The following ITGA9 variants were observed in gnomAD, a reference collection of about 807,000 sequenced individuals.
The protein encoded by ITGA9 is integrin subunit alpha 9, also known as integrin alpha-9.
In ITGA9, 56 loss-of-function variants were observed where a neutral mutation model predicts 127.8. The observed-to-expected ratio is 0.44, with a 90% CI of 0.35 to 0.55. ITGA9 has a LOEUF of 0.55. ITGA9 is among the 20% of genes least tolerant of loss of function. The probability of loss-of-function intolerance (pLI) is 0.00; values close to 1 mark genes in which losing one functional copy is unlikely to be tolerated. For synonymous variants in ITGA9, 508 were observed against 514.5 expected, an observed-to-expected ratio of 0.99 and a Z score of 0.17; for missense variants, 1,196 against 1,347.1, an observed-to-expected ratio of 0.89 and a Z score of 1.76.
At chr3:37,743,830 A>C in intron 21 of ITGA9, 96 bp from the exon 22 acceptor site, 1 of 882,036 alleles carries the variant, frequency 1.1e-6, no homozygotes. Flanking sequence ...AAGACACTGG[A>C]TTAAATTGAG....
intron 18 of ITGA9, among the ~76,000 whole-genome samples, chr3:37,724,058 A>G (rs773453512): frequency 7.2e-5 from 11 of 152,188 alleles, no homozygotes; most frequent in Non-Finnish European, 1.5e-4. Flanking sequence ...GATCTGCTGT[A>G]TCATTCAGAA....
intron 17 of ITGA9, among the ~76,000 whole-genome samples, chr3:37,667,396 A>G (rs564957294): frequency 3.9e-5 from 6 of 152,304 alleles, no homozygotes; most frequent in East Asian, 3.9e-4. Context: ...AAACCTATGA[A>G]CCATGTATAG....
Position 37,512,013 on chromosome 3 carries a change from CTTTTCTTTTCTTTTCTTT to C in ITGA9, c.898-1749_898-1732del, listed in dbSNP as rs1175530939. ...CTTTTCTTTTCTTTTCTTTTCTTTT[CTTTTCTTTTCTTTTCTTT>C]CTTTCTTTCTTTCTTTCTTTCTTTC... On this transcript the variant is annotated intron_variant, in intron 8 of 27. Coordinates refer to ENST00000264741, the MANE Select transcript of ITGA9 (RefSeq NM_002207.3). Among the ~76,000 whole-genome samples the C allele has an allele frequency of 5.9e-3, 211 of 35,506 alleles. 19 individuals carry two copies. The highest frequency in any genetic ancestry group is 0.023 in the Middle Eastern group (2 of 88). The allele number at this position is 35,506 out of a possible 152,430, so 23.3% of individuals were successfully genotyped here.
At chr3:37,524,306 T>C (rs1049095012) in intron 12 of ITGA9, among the ~76,000 whole-genome samples, 15 of 152,322 alleles carry the variant, frequency 9.8e-5, no homozygotes, top group African/African-American at 3.6e-4. Context: ...AAATCCAGAA[T>C]GGTCATGGAA....
rs188232474 is a variant in ITGA9 at position 37,613,962 on chromosome 3, A to G, written c.1690-15225A>G. Among the ~76,000 whole-genome samples the G allele has an allele frequency of 5.6e-4, 85 of 152,268 alleles. 1 individual carries two copies. The highest frequency in any genetic ancestry group is 3.4e-3 in the Middle Eastern group (1 of 294). ...TTCTTTTGCTGTGCAGAAGCTCTTT[A>G]GTTCAATTAGATCCCATTTGTCAAT... On this transcript the variant is annotated intron_variant, in intron 15 of 27. Coordinates refer to ENST00000264741, the MANE Select transcript of ITGA9 (RefSeq NM_002207.3).
At position 37,788,764 on chromosome 3, in the gene ITGA9, G is replaced by A. The variant is rs374798677; in HGVS notation, c.2889+3686G>A. On this transcript the variant is annotated intron_variant, in intron 26 of 27. Transcript: ENST00000264741. Reference sequence around the variant, plus strand: ...TCTCTTTCAACTAGCATTAACATCCGAAACTGTATATCATCACCACATTTC... The same window carrying A: ...TCTCTTTCAACTAGCATTAACATCCAAAACTGTATATCATCACCACATTTC... Among the ~76,000 whole-genome samples, 21 of 152,024 alleles carry A rather than the reference G, an allele frequency of 1.4e-4. No individual in the cohort carries two copies. The South Asian group carries it at 2.3e-3, about 17-fold the overall frequency.
At chr3:37,662,886 C>T (rs1291283922) in intron 17 of ITGA9, among the ~76,000 whole-genome samples, 1 of 152,176 alleles carries the variant, frequency 6.6e-6, no homozygotes, top group Admixed American at 6.5e-5. Flanking sequence ...GACTGAGGAG[C>T]CTTTGTCTTA....
At chr3:37,509,146 A>G (rs935321975) in intron 8 of ITGA9, among the ~76,000 whole-genome samples, 2 of 152,170 alleles carry the variant, frequency 1.3e-5, no homozygotes, top group Non-Finnish European at 2.9e-5. Flanking sequence ...AGAACCTTGA[A>G]GCAGAAATAG....
At chr3:37,667,688 CA>C (rs1700599030) in intron 17 of ITGA9, among the ~76,000 whole-genome samples, 1 of 152,230 alleles carries the variant, frequency 6.6e-6, no homozygotes, top group Admixed American at 6.5e-5. Flanking sequence ...GCCCAGCACA[CA>C]AGTTCTTCCA....
At chr3:37,548,491 T>C (rs1201228312) in intron 15 of ITGA9, among the ~76,000 whole-genome samples, 2 of 152,234 alleles carry the variant, frequency 1.3e-5, no homozygotes, top group East Asian at 3.8e-4. Context: ...AAAAAAAGTT[T>C]CGTGGAGATT....
intron 15 of ITGA9, among the ~76,000 whole-genome samples, chr3:37,544,253 C>G (rs1351732632): frequency 6.6e-6 from 1 of 152,140 alleles, no homozygotes; most frequent in South Asian, 2.1e-4. Context: ...AGAGGAAGGG[C>G]TGTTTCTATG....
intron 18 of ITGA9, among the ~76,000 whole-genome samples, chr3:37,709,177 C>T (rs973146670): frequency 6.6e-6 from 1 of 152,178 alleles, no homozygotes; most frequent in Non-Finnish European, 1.5e-5. Flanking sequence ...ATGTAAAGCA[C>T]TTAGGACCAT....
chr3:37,741,938 T>C (rs1696442659), intron 21 of ITGA9, 119 bp downstream of exon 21: 1 of 768,880 alleles, frequency 1.3e-6, no homozygotes, highest in Admixed American at 2.0e-5. Flanking sequence ...CTCCACTTCC[T>C]CCCAGCCTTG....
intron 1 of ITGA9, among the ~76,000 whole-genome samples, chr3:37,456,088 T>C (rs1177549558): frequency 6.6e-6 from 1 of 152,164 alleles, no homozygotes; most frequent in Non-Finnish European, 1.5e-5. Context: ...CATATCACAC[T>C]GAGCACAGAG....
intron 11 of ITGA9, among the ~76,000 whole-genome samples, chr3:37,520,856 C>CGGGAAGCTTGTTTTCCTGGACCT (rs1699037407): frequency 4.6e-5 from 7 of 152,200 alleles, no homozygotes; most frequent in Admixed American, 6.5e-5. Context: ...ACGCATCCTC[C>CGGGAAGCTTGTTTTCCTGGACCT]GGGAAGCTTG....
chr3:37,628,900 GAGTAA>G (rs1700202127), intron 15 of ITGA9, among the ~76,000 whole-genome samples: 1 of 152,200 alleles, frequency 6.6e-6, no homozygotes, highest in African/African-American at 2.4e-5. Context: ...TTTGGAGGAT[GAGTAA>G]AGTAATGTCT....
intron 23 of ITGA9, among the ~76,000 whole-genome samples, chr3:37,775,866 A>C (rs1341831722): frequency 6.6e-6 from 1 of 152,218 alleles, no homozygotes; most frequent in Non-Finnish European, 1.5e-5. Flanking sequence ...ATTCTACCGT[A>C]AAGACACATG....
chr3:37,692,964 A>G (rs147725772), intron 18 of ITGA9, among the ~76,000 whole-genome samples: 1 of 152,302 alleles, frequency 6.6e-6, no homozygotes, highest in Non-Finnish European at 1.5e-5. Context: ...TAGAGGAAGA[A>G]CAAAGAAACA....
At chr3:37,525,528 C>A (rs1699084907) in intron 12 of ITGA9, among the ~76,000 whole-genome samples, 1 of 152,044 alleles carries the variant, frequency 6.6e-6, no homozygotes, top group African/African-American at 2.4e-5. Flanking sequence ...AGAGCATTTT[C>A]CAAGAGTCAC....
Sources: allele counts gnomAD v4.1 joint callset (sites outside exome capture counted in the v4.1 genomes callset), GRCh38; gene constraint gnomAD v4.1.1; transcripts MANE v1.5; gene names NCBI Gene and HGNC (gene_info 2026-07-23, HGNC 2026-07-21).